The following TERT variants were observed in gnomAD, a reference collection of about 807,000 sequenced individuals.
TERT encodes the protein telomerase reverse transcriptase.
In TERT, 42 loss-of-function variants were observed where a neutral mutation model predicts 104.0. The observed-to-expected ratio is 0.40, with a 90% CI of 0.32 to 0.52. The LOEUF (loss-of-function observed/expected upper bound fraction) is 0.52. TERT is among the 20% of genes least tolerant of loss of function. TERT has a pLI of 0.43. For missense variants in TERT, 1,101 were observed against 1,610.3 expected (o/e 0.68, Z 5.41); for synonymous variants, 781 against 725.6 (o/e 1.08, Z -1.23).
Position 1,271,119 on chromosome 5 carries a change from T to C in TERT, c.2468A>G (p.Lys823Arg). ...MCHHAVRIRG[K>R]SYVQCQGIPQ... ...AATGGCACCTGGCCACCTGACTCAC[T>C]TGCCCCTGATGCGCACGGCGTGGTG... Residue 823 changes from lysine (K) to arginine (R), a missense_variant and splice_region_variant, in exon 8 of 16, where the codon AAG (lysine) becomes AGG (arginine). This residue lies in a region of TERT where 463 missense variants were observed against 797.5 expected (regional missense o/e 0.58). Coordinates refer to ENST00000310581, the MANE Select transcript of TERT (RefSeq NM_198253.3). The C allele has an allele frequency of 6.2e-7, 1 of 1,612,756 alleles. No individual in the cohort carries two copies. Among genetic ancestry groups the C allele is most frequent in the Non-Finnish European group, 8.5e-7 (1 of 1,179,800 alleles).
chr5:1,255,496 G>A lies in TERT; in HGVS notation c.3033-85C>T. ...TGTGGGCATGGGCCCACCGGTGCCT[G>A]TGTGCGTGCATGAATGCACATGCAT... On this transcript the variant is annotated intron_variant, in intron 13 of 15. Transcript: ENST00000310581. This position sits in a 1 kb window ranked among gnomAD's most constrained non-coding sequence, Gnocchi z 6.9. 6.4e-7 allele frequency: 1 copy of A among 1,572,454 alleles called. No homozygotes were observed. The highest frequency in any genetic ancestry group is 8.7e-7 in the Non-Finnish European group (1 of 1,145,846).
chr5:1,279,619 CCT>C lies in TERT; in HGVS notation c.1951-151_1951-150del, dbSNP rs1171737819. The C allele has an allele frequency of 1.3e-4, 104 of 807,322 alleles. 1 individual carries two copies. The East Asian group carries it at 2.2e-3, about 17-fold the overall frequency. The allele number at this position is 807,322 out of a possible 1,614,324, so 50.0% of individuals were successfully genotyped here. A position where few individuals can be genotyped will look rare whatever the true frequency, so the allele number is the denominator to read the frequency against. Reference sequence around the variant, plus strand: ...AGAACCCCTCCCAGCTTCCTCAGACCCTGTTTGAAACGGGTTCCTGGCCGCAT... The same window carrying C: ...AGAACCCCTCCCAGCTTCCTCAGACCGTTTGAAACGGGTTCCTGGCCGCAT... On this transcript the variant is annotated intron_variant, in intron 4 of 15. Transcript: ENST00000310581.
At chr5:1,289,287 C>A in intron 2 of TERT, among the ~76,000 whole-genome samples, 1 of 141,022 alleles carries the variant, frequency 7.1e-6, no homozygotes, top group African/African-American at 2.7e-5. Flanking sequence ...GAGGGACACC[C>A]AGGGACGGCG....
chr5:1,277,322 C>A (rs1004940641), intron 6 of TERT, among the ~76,000 whole-genome samples: 1 of 152,242 alleles, frequency 6.6e-6, no homozygotes, highest in Non-Finnish European at 1.5e-5. Context: ...ACCCCTGGGA[C>A]ACTCCCAGAA....
chr5:1,277,398 G>A (rs1749672845), intron 6 of TERT, among the ~76,000 whole-genome samples: 2 of 152,230 alleles, frequency 1.3e-5, no homozygotes, highest in African/African-American at 4.8e-5. Flanking sequence ...GCAGCGGGAA[G>A]GATACATCCA....
intron 12 of TERT, among the ~76,000 whole-genome samples, chr5:1,259,136 A>G (rs1244070481): frequency 1.4e-5 from 2 of 140,828 alleles, no homozygotes; most frequent in East Asian, 2.2e-4. Context: ...GAGTGGATGC[A>G]GATGCCCACA....
intron 3 of TERT, 51 bp from the exon 4 acceptor site, chr5:1,280,389 G>T: frequency 1.3e-6 from 2 of 1,590,186 alleles, no homozygotes; most frequent in South Asian, 1.1e-5. Flanking sequence ...AACAGACTAG[G>T]GGGAAGCTCA....
chr5:1,283,170 A>C (rs1750171040), intron 2 of TERT, among the ~76,000 whole-genome samples: 3 of 135,916 alleles, frequency 2.2e-5, no homozygotes, highest in South Asian at 2.4e-4. Context: ...TGGCGACCTC[A>C]CCCCAGACCT....
intron 2 of TERT, among the ~76,000 whole-genome samples, chr5:1,285,001 C>T (rs867924154): frequency 2.8e-4 from 38 of 137,736 alleles, no homozygotes; most frequent in Non-Finnish European, 4.5e-4. Flanking sequence ...CAGGGCCTGG[C>T]GACCTCACCC....
chr5:1,271,321 G>A, intron 7 of TERT, 117 bp from the exon 8 acceptor site: 1 of 772,684 alleles, frequency 1.3e-6, no homozygotes, highest in Non-Finnish European at 2.3e-6. Context: ...GAAGTGCGGG[G>A]CTGGGCTGGA....
rs991769803 is a variant in TERT, at chr5:1,269,536, G to A, written c.2469-903C>T. 1.3e-5 allele frequency among the ~76,000 whole-genome samples: 2 copies of A among 151,946 alleles called. No homozygotes were observed. On this transcript the variant is annotated intron_variant, in intron 8 of 15. Transcript: ENST00000310581. This position sits in a 1 kb window ranked among gnomAD's most constrained non-coding sequence, Gnocchi z 9.0. ...TGAGGCAGGAGAAATGCTGGAACCC[G>A]GGAGGCGGAGGTTGCAGTGAGTTGA...
intron 5 of TERT, 70 bp downstream of exon 5, chr5:1,279,221 C>T: frequency 6.6e-7 from 1 of 1,510,282 alleles, no homozygotes; most frequent in African/African-American, 1.4e-5. Flanking sequence ...CTCCACCCAA[C>T]ATGAGGTGCC....
In TERT at chr5:1,263,872, G is replaced by T. The variant is rs35209454; in HGVS notation, c.2843+532C>A. The stretch of plus-strand genomic sequence containing the variant: ...GAGACCCCCCCCACACCATGGCCCT[G>T]TCCCCTGATGGGTCACACGTGATCA... On this transcript the variant is annotated intron_variant, in intron 11 of 15. Transcript: ENST00000310581. The surrounding 1 kb of genome is among the most constrained non-coding windows in gnomAD (Gnocchi z 5.3). Among the ~76,000 whole-genome samples the T allele has an allele frequency of 5.3e-5, 8 of 152,206 alleles. No individual in the cohort carries two copies. Among genetic ancestry groups the T allele is most frequent in the Non-Finnish European group, 1.2e-4 (8 of 68,026 alleles).
intron 7 of TERT, 44 bp from the exon 8 acceptor site, chr5:1,271,248 G>T: frequency 6.9e-7 from 1 of 1,445,534 alleles, no homozygotes; most frequent in Non-Finnish European, 9.7e-7. Flanking sequence ...GCCGGTGGGT[G>T]CTGAGACAGG....
chr5:1,253,556 G>A lies in TERT; in HGVS notation c.*172C>T, dbSNP rs951815383. On this transcript the variant is annotated 3_prime_UTR_variant, in exon 16 of 16. Coordinates refer to ENST00000310581, the MANE Select transcript of TERT (RefSeq NM_198253.3). The stretch of plus-strand genomic sequence containing the variant: ...CTGGACACTCGCTCAGGCCTCAGCC[G>A]GACACTCAGCCTTCAGCCGGACATG... 13 of 647,696 alleles carry A rather than the reference G, an allele frequency of 2.0e-5. No individual in the cohort carries two copies. Among genetic ancestry groups the A allele is most frequent in the African/African-American group, 8.9e-5 (5 of 55,934 alleles). The allele number at this position is 647,696 out of a possible 1,614,324, so 40.1% of individuals were successfully genotyped here.
rs72709460 is a variant in TERT at position 1,289,105 on chromosome 5, G to T, written c.1573+4208C>A. On this transcript the variant is annotated intron_variant, in intron 2 of 15. Coordinates refer to ENST00000310581, the MANE Select transcript of TERT (RefSeq NM_198253.3). ...GGACAGAGCCTCACTCACCCTACAC[G>T]AGACAGGGACACCCAGGGACAGCGC... Among the ~76,000 whole-genome samples, 14 of 151,716 alleles carry T rather than the reference G, an allele frequency of 9.2e-5. No individual in the cohort carries two copies. The South Asian group carries it at 2.3e-3, about 25-fold the overall frequency.
chr5:1,282,752 C>T (rs1300870748), intron 2 of TERT, 128 bp from the exon 3 acceptor site: 5 of 907,634 alleles, frequency 5.5e-6, no homozygotes, highest in Non-Finnish European at 8.7e-6. Flanking sequence ...AGACCTGCAC[C>T]ATCCGGACAC....
In TERT at chr5:1,261,601, C is replaced by T. The variant is rs551752891; in HGVS notation, c.2844-1001G>A. Among the ~76,000 whole-genome samples the T allele has an allele frequency of 1.1e-4, 16 of 152,368 alleles. No homozygotes were observed. The highest frequency in any genetic ancestry group is 6.2e-4 in the South Asian group (3 of 4,826). On this transcript the variant is annotated intron_variant, in intron 11 of 15. Transcript: ENST00000310581. This position sits in a 1 kb window ranked among gnomAD's most constrained non-coding sequence, Gnocchi z 7.4. ...CAGCATGAGGGATGGGGACAGGTCT[C>T]GCCATCAGTTTCACGTGCGTTTCTT...
Position 1,256,519 on chromosome 5 carries a change from C to G in TERT, c.3033-1108G>C, listed in dbSNP as rs1464319397. 6.7e-6 allele frequency among the ~76,000 whole-genome samples: 1 copy of G among 149,562 alleles called. No individual in the cohort carries two copies. Among genetic ancestry groups the G allele is most frequent in the Admixed American group, 6.6e-5 (1 of 15,062 alleles). On this transcript the variant is annotated intron_variant, in intron 13 of 15. Coordinates refer to ENST00000310581, the MANE Select transcript of TERT (RefSeq NM_198253.3). The surrounding 1 kb of genome is among the most constrained non-coding windows in gnomAD (Gnocchi z 7.0). Reference sequence around the variant, plus strand: ...TGAGCCCCCCATGTACCTGGCCTCACCCACTGCCTGAGCCCCCCGTGTACC... The same window carrying G: ...TGAGCCCCCCATGTACCTGGCCTCAGCCACTGCCTGAGCCCCCCGTGTACC...
Sources: allele counts gnomAD v4.1 joint callset (sites outside exome capture counted in the v4.1 genomes callset), GRCh38; gene constraint gnomAD v4.1.1; regional missense constraint gnomAD v4.1.1; non-coding constraint Gnocchi (gnomAD v3.1); transcripts MANE v1.5; gene names NCBI Gene and HGNC (gene_info 2026-07-23, HGNC 2026-07-21).